Variants in PGCKA1 observed in about 807,000 individuals in gnomAD.
PGCKA1 encodes the protein PDCD10 and GCKIII kinases-associated protein 1.
chr4:37,577,506 C>CAA, the PGCKA1 span, among the ~76,000 whole-genome samples: 23 of 151,352 alleles, frequency 1.5e-4, 1 homozygote, highest in African/African-American at 4.6e-4. Context: ...GTTATCTTTT[C>CAA]AAAAAAAACC....
At chr4:37,542,321 C>T in the PGCKA1 span, among the ~76,000 whole-genome samples, 3 of 152,284 alleles carry the variant, frequency 2.0e-5, no homozygotes, top group South Asian at 2.1e-4. Context: ...GTGCTCAAAC[C>T]GTATCAGGAG....
the PGCKA1 span, among the ~76,000 whole-genome samples, chr4:37,504,440 T>A: frequency 0.48 from 58,186 of 121,390 alleles, 11,515 homozygotes; most frequent in South Asian, 0.55. Context: ...TAAATTAAAA[T>A]TTTTTTTTTT....
the PGCKA1 span, among the ~76,000 whole-genome samples, chr4:37,513,427 C>A: frequency 6.6e-6 from 1 of 152,222 alleles, no homozygotes; most frequent in Non-Finnish European, 1.5e-5. Context: ...AGTGAGGATT[C>A]TCTTCCTGGC....
chr4:37,584,797 T>C, the PGCKA1 span, among the ~76,000 whole-genome samples: 6 of 152,064 alleles, frequency 3.9e-5, no homozygotes, highest in African/African-American at 1.4e-4. Context: ...TTTCCTCGCC[T>C]TCTTGCCCTC....
At chr4:37,509,246 A>C in the PGCKA1 span, among the ~76,000 whole-genome samples, 12 of 88,614 alleles carry the variant, frequency 1.4e-4, no homozygotes, top group East Asian at 3.2e-4. Flanking sequence ...ACTTCCCAGA[A>C]GGGGTGGCCA....
At chr4:37,508,664 C>CTT in the PGCKA1 span, among the ~76,000 whole-genome samples, 25 of 86,582 alleles carry the variant, frequency 2.9e-4, no homozygotes, top group African/African-American at 1.2e-3. Flanking sequence ...TCACCCTCTT[C>CTT]TTTTTTTTTT....
chr4:37,591,603 G>T, the PGCKA1 span: 1 of 152,152 alleles, frequency 6.6e-6, no homozygotes, highest in Non-Finnish European at 1.5e-5. Flanking sequence ...GGAAACAAAG[G>T]GTTAGTCATT....
At chr4:37,536,979 G>A in the PGCKA1 span, among the ~76,000 whole-genome samples, 1 of 152,242 alleles carries the variant, frequency 6.6e-6, no homozygotes, top group South Asian at 2.1e-4. Context: ...TTGGGGCAGA[G>A]TGACGGACTC....
At chr4:37,491,414 C>T in the PGCKA1 span, among the ~76,000 whole-genome samples, 1 of 152,192 alleles carries the variant, frequency 6.6e-6, no homozygotes, top group African/African-American at 2.4e-5. Context: ...GGCATATGCT[C>T]AACTATATTT....
chr4:37,550,466 G>A, the PGCKA1 span, among the ~76,000 whole-genome samples: 48 of 152,238 alleles, frequency 3.2e-4, no homozygotes, highest in Non-Finnish European at 5.7e-4. Flanking sequence ...GGATTAAAAA[G>A]GTCCTGTTTG....
At chr4:37,508,693 G>GTTTTTTTTT in the PGCKA1 span, among the ~76,000 whole-genome samples, 8 of 53,322 alleles carry the variant, frequency 1.5e-4, no homozygotes, top group African/African-American at 7.1e-4. Flanking sequence ...CTTTTTTTTA[G>GTTTTTTTTT]TATTTATTGA....
the PGCKA1 span, among the ~76,000 whole-genome samples, chr4:37,468,568 T>C: frequency 6.6e-6 from 1 of 152,246 alleles, no homozygotes. Flanking sequence ...CTGGTGTTCA[T>C]CGTCTAAATG....
At chr4:37,549,449 C>T in the PGCKA1 span, among the ~76,000 whole-genome samples, 1 of 152,214 alleles carries the variant, frequency 6.6e-6, no homozygotes, top group Non-Finnish European at 1.5e-5. Flanking sequence ...AAAGGCTGAC[C>T]CCCATGTCTA....
At chr4:37,502,651 C>G in the PGCKA1 span, among the ~76,000 whole-genome samples, 8 of 152,128 alleles carry the variant, frequency 5.3e-5, no homozygotes, top group African/African-American at 1.9e-4. Flanking sequence ...GCTAGCAGGG[C>G]AAGAAAGGCA....
the PGCKA1 span, among the ~76,000 whole-genome samples, chr4:37,512,710 T>C: frequency 6.6e-6 from 1 of 152,006 alleles, no homozygotes; most frequent in African/African-American, 2.4e-5. Context: ...CGCCTCGGCC[T>C]TCCTAAGTGC....
the PGCKA1 span, among the ~76,000 whole-genome samples, chr4:37,569,283 C>T: frequency 6.6e-6 from 1 of 151,682 alleles, no homozygotes; most frequent in Non-Finnish European, 1.5e-5. Flanking sequence ...CTGCAACCTC[C>T]GCCTCCCAGG....
chr4:37,584,239 C>T, the PGCKA1 span: 5 of 152,242 alleles, frequency 3.3e-5, no homozygotes, highest in African/African-American at 1.2e-4. Flanking sequence ...AGTCACACAA[C>T]CTTGGACATT....
the PGCKA1 span, among the ~76,000 whole-genome samples, chr4:37,584,852 C>G: frequency 6.6e-6 from 1 of 152,004 alleles, no homozygotes; most frequent in Admixed American, 6.6e-5. Flanking sequence ...CTTTCGCCTT[C>G]CCCTGTACAC....
At chr4:37,543,355 G>A in the PGCKA1 span, among the ~76,000 whole-genome samples, 1 of 152,134 alleles carries the variant, frequency 6.6e-6, no homozygotes, top group East Asian at 1.9e-4. Flanking sequence ...ACTTTTGAAA[G>A]CTAAACCAGG....
Sources: allele counts gnomAD v4.1 joint callset (sites outside exome capture counted in the v4.1 genomes callset), GRCh38; gene constraint gnomAD v4.1.1; transcripts MANE v1.5; gene names NCBI Gene and HGNC (gene_info 2026-07-23, HGNC 2026-07-21).